Variants in RALGPS1 observed in about 807,000 individuals in gnomAD.
RALGPS1 encodes the protein ras-specific guanine nucleotide-releasing factor RalGPS1.
RALGPS1 carries 19 observed loss-of-function variants against 78.8 expected under a neutral mutation model. That is an observed-to-expected ratio of 0.24 (90% confidence interval 0.17 to 0.35). RALGPS1 has a LOEUF of 0.35. RALGPS1 is among the 10% of genes least tolerant of loss of function. The probability of loss-of-function intolerance (pLI) is 1.00; values close to 1 mark genes in which losing one functional copy is unlikely to be tolerated. For synonymous variants in RALGPS1, 228 were observed against 256.3 expected (o/e 0.89, Z 1.06); for missense variants, 454 against 688.3 (o/e 0.66, Z 3.81).
At chr9:126,949,205 T>C (rs966073887) in intron 1 of RALGPS1, among the ~76,000 whole-genome samples, 1 of 152,216 alleles carries the variant, frequency 6.6e-6, no homozygotes, top group Admixed American at 6.5e-5. Context: ...CTTAATCCAG[T>C]CTATCATTGT....
intron 8 of RALGPS1, among the ~76,000 whole-genome samples, chr9:127,084,383 A>AGTAATGTATAGCTCCCTCCCTGGC (rs2051481109): frequency 6.6e-6 from 1 of 152,070 alleles, no homozygotes; most frequent in Non-Finnish European, 1.5e-5. Flanking sequence ...CCCTCCCTGG[A>AGTAATGTATAGCTCCCTCCCTGGC]GTAATGTATA....
chr9:127,192,775 G>T lies in RALGPS1; in HGVS notation c.911-2316G>T, dbSNP rs111856448. On this transcript the variant is annotated intron_variant, in intron 11 of 18. Coordinates refer to ENST00000259351, the MANE Select transcript of RALGPS1 (RefSeq NM_014636.3). Reference sequence around the variant, plus strand: ...TGTGTGGACAACTCCAGCATGAGGGGTGTTAGAGGAAGAGAAGGATCTCAC... The same window carrying T: ...TGTGTGGACAACTCCAGCATGAGGGTTGTTAGAGGAAGAGAAGGATCTCAC... 2.1e-3 allele frequency among the ~76,000 whole-genome samples: 322 copies of T among 152,346 alleles called. 4 individuals carry two copies. Among genetic ancestry groups the T allele is most frequent in the African/African-American group, 7.3e-3 (303 of 41,580 alleles).
At chr9:127,018,029 C>T (rs969572171) in intron 4 of RALGPS1, among the ~76,000 whole-genome samples, 6 of 150,864 alleles carry the variant, frequency 4.0e-5, no homozygotes, top group Admixed American at 2.6e-4. Context: ...CCAGCCTGAC[C>T]AACATGGTGA....
chr9:127,189,624 C>A (rs182034577), intron 11 of RALGPS1, among the ~76,000 whole-genome samples: 2 of 152,180 alleles, frequency 1.3e-5, no homozygotes, highest in South Asian at 4.1e-4. Flanking sequence ...ACAAATGATA[C>A]AAGTTGGGTG....
chr9:127,108,604 C>G (rs1050825454), intron 8 of RALGPS1: 2 of 1,613,718 alleles, frequency 1.2e-6, no homozygotes, highest in Non-Finnish European at 1.7e-6. Context: ...CCGCTTGTAC[C>G]TGTTTAGGTA....
chr9:127,070,108 A>G (rs574748106), intron 8 of RALGPS1: 1 of 152,200 alleles, frequency 6.6e-6, no homozygotes, highest in Non-Finnish European at 1.5e-5. Context: ...GAGTGGTTTC[A>G]GGATGAAGCT....
At chr9:127,102,642 A>G (rs1437055564) in intron 8 of RALGPS1, among the ~76,000 whole-genome samples, 2 of 152,140 alleles carry the variant, frequency 1.3e-5, no homozygotes, top group African/African-American at 4.8e-5. Flanking sequence ...GTAGCTTTCC[A>G]TCACCCTCAA....
At chr9:127,190,401 G>T (rs1356288161) in intron 11 of RALGPS1, among the ~76,000 whole-genome samples, 2 of 152,134 alleles carry the variant, frequency 1.3e-5, no homozygotes, top group African/African-American at 4.8e-5. Flanking sequence ...TCAGCTTACT[G>T]CAGCCTCCAC....
At chr9:126,964,704 T>C (rs1354528481) in intron 2 of RALGPS1, among the ~76,000 whole-genome samples, 2 of 152,188 alleles carry the variant, frequency 1.3e-5, no homozygotes, top group Non-Finnish European at 2.9e-5. Flanking sequence ...TTAAAATCTT[T>C]TGATGACACA....
chr9:127,078,121 C>T (rs1170907949), intron 8 of RALGPS1, among the ~76,000 whole-genome samples: 2 of 152,166 alleles, frequency 1.3e-5, no homozygotes, highest in African/African-American at 2.4e-5. Context: ...AAGCTTCCCT[C>T]GACCCCAGGC....
rs1163009177 is a variant in RALGPS1 at position 126,962,168 on chromosome 9, G to A, written c.-65-57G>A. ...TCAAGTCTGGTACAACTTTTGCCTG[G>A]GGGTGGGGATAAATTTGTTTTGAAG... On this transcript the variant is annotated intron_variant, in intron 1 of 18. Transcript: ENST00000259351. 1.0e-4 allele frequency: 93 copies of A among 904,446 alleles called. 1 individual carries two copies. The Admixed American group carries it at 1.6e-3, about 15-fold the overall frequency. The allele number at this position is 904,446 out of a possible 1,614,324, so 56.0% of individuals were successfully genotyped here. A position where few individuals can be genotyped will look rare whatever the true frequency, so the allele number is the denominator to read the frequency against.
intron 1 of RALGPS1, among the ~76,000 whole-genome samples, chr9:126,950,579 G>A (rs1198040420): frequency 3.3e-5 from 5 of 151,876 alleles, no homozygotes; most frequent in South Asian, 2.1e-4. Context: ...GGTACATAAC[G>A]AAATGAAGGC....
chr9:126,951,459 G>C, intron 1 of RALGPS1, among the ~76,000 whole-genome samples: 1 of 151,452 alleles, frequency 6.6e-6, no homozygotes, highest in Non-Finnish European at 1.5e-5. Flanking sequence ...ACATCAAAAA[G>C]CTTATCCACC....
At chr9:126,969,613 A>T (rs1472970131) in intron 3 of RALGPS1, among the ~76,000 whole-genome samples, 1 of 152,208 alleles carries the variant, frequency 6.6e-6, no homozygotes, top group East Asian at 1.9e-4. Context: ...GTTTACTTGT[A>T]CTTTTAAGAG....
chr9:127,125,672 T>C (rs2137971580), intron 8 of RALGPS1, among the ~76,000 whole-genome samples: 1 of 152,362 alleles, frequency 6.6e-6, no homozygotes, highest in African/African-American at 2.4e-5. Context: ...TGGTGACTCC[T>C]GGATCTCCGT....
chr9:127,092,451 T>C (rs1355452217), intron 8 of RALGPS1, among the ~76,000 whole-genome samples: 5 of 151,618 alleles, frequency 3.3e-5, no homozygotes, highest in Admixed American at 6.6e-5. Flanking sequence ...TTTGTGGTTA[T>C]TGTTTTTTTT....
rs574849006 is a variant in RALGPS1, at chr9:127,211,490, C to T, written c.1248-641C>T. On this transcript the variant is annotated intron_variant, in intron 14 of 18. Transcript: ENST00000259351. The surrounding 1 kb of genome is among the most constrained non-coding windows in gnomAD (Gnocchi z 5.0). Reference sequence around the variant, plus strand: ...CCGAGAGGAAGAAAATCCCCGCTTTCTGGCTGAAGCAGCCAGTAGGGGGTG... The same window carrying T: ...CCGAGAGGAAGAAAATCCCCGCTTTTTGGCTGAAGCAGCCAGTAGGGGGTG... 1.3e-5 allele frequency among the ~76,000 whole-genome samples: 2 copies of T among 152,290 alleles called. No individual in the cohort carries two copies. Among genetic ancestry groups the T allele is most frequent in the South Asian group, 4.1e-4 (2 of 4,828 alleles).
rs1444431213 is a variant in RALGPS1 at position 127,091,759 on chromosome 9, C to G, written c.610+22403C>G. On this transcript the variant is annotated intron_variant, in intron 8 of 18. Transcript: ENST00000259351. The surrounding 1 kb of genome is among the most constrained non-coding windows in gnomAD (Gnocchi z 4.3). The stretch of plus-strand genomic sequence containing the variant: ...GTCACCCGCATTGCCATGGTAGCGC[C>G]CCAGCCGCAGCTTATAATACTCGCT... The G allele has an allele frequency of 6.2e-7, 1 of 1,614,150 alleles. No individual in the cohort carries two copies.
Position 126,957,086 on chromosome 9 carries a change from C to G in RALGPS1, c.-65-5139C>G, listed in dbSNP as rs374569309. Among the ~76,000 whole-genome samples the G allele has an allele frequency of 8.5e-5, 13 of 152,322 alleles. No homozygotes were observed. The South Asian group carries it at 2.5e-3, about 29-fold the overall frequency. The stretch of plus-strand genomic sequence containing the variant: ...TCTTTACCTCATGGGGCTGTTGTGA[C>G]GATTAAATGAGCTAATCATGTGATG... On this transcript the variant is annotated intron_variant, in intron 1 of 18. Transcript: ENST00000259351.
Sources: allele counts gnomAD v4.1 joint callset (sites outside exome capture counted in the v4.1 genomes callset), GRCh38; gene constraint gnomAD v4.1.1; non-coding constraint Gnocchi (gnomAD v3.1); transcripts MANE v1.5; gene names NCBI Gene and HGNC (gene_info 2026-07-23, HGNC 2026-07-21).